Variants in ADGRB3 observed in about 807,000 individuals in gnomAD.
ADGRB3 encodes adhesion G protein-coupled receptor B3.
ADGRB3 carries 37 observed loss-of-function variants against 193.4 expected under a neutral mutation model. The ratio of observed to expected loss-of-function variants is 0.19; its 90% CI spans 0.15 to 0.25. ADGRB3 has a LOEUF of 0.25. Ranked by LOEUF, ADGRB3 falls within the 10% of genes least tolerant of loss-of-function variation. The probability of loss-of-function intolerance (pLI) is 1.00; values close to 1 mark genes in which losing one functional copy is unlikely to be tolerated. For synonymous variants in ADGRB3, 690 were observed against 644.2 expected, an observed-to-expected ratio of 1.07 and a Z score of -1.08; for missense variants, 1,637 against 1,852.9, an observed-to-expected ratio of 0.88 and a Z score of 2.14.
intron 20 of ADGRB3, among the ~76,000 whole-genome samples, chr6:69,288,967 A>C (rs867255087): frequency 6.6e-6 from 1 of 152,048 alleles, no homozygotes; most frequent in South Asian, 2.1e-4. Context: ...GTACACCCCC[A>C]ACCCTCCCCC....
At chr6:68,721,748 A>G (rs1282958040) in intron 3 of ADGRB3, among the ~76,000 whole-genome samples, 1 of 149,954 alleles carries the variant, frequency 6.7e-6, no homozygotes, top group Non-Finnish European at 1.5e-5. Context: ...GAGGAAAGGA[A>G]AGGAAAGCTC....
At chr6:68,793,854 A>C (rs1767155411) in intron 3 of ADGRB3, among the ~76,000 whole-genome samples, 2 of 152,140 alleles carry the variant, frequency 1.3e-5, no homozygotes, top group African/African-American at 4.8e-5. Flanking sequence ...TAATTGGATA[A>C]AATTATCACC....
intron 3 of ADGRB3, among the ~76,000 whole-genome samples, chr6:68,786,996 A>G (rs999296850): frequency 6.6e-6 from 1 of 152,170 alleles, no homozygotes; most frequent in Non-Finnish European, 1.5e-5. Flanking sequence ...ATTTTTGCAC[A>G]TTGATTTTGT....
chr6:68,824,569 T>C (rs963379535), intron 3 of ADGRB3, among the ~76,000 whole-genome samples: 1 of 148,282 alleles, frequency 6.7e-6, no homozygotes, highest in Non-Finnish European at 1.5e-5. Context: ...TAGCACAATA[T>C]GCAATATATG....
At chr6:69,359,781 G>T (rs1313142991) in intron 28 of ADGRB3, among the ~76,000 whole-genome samples, 1 of 151,848 alleles carries the variant, frequency 6.6e-6, no homozygotes, top group African/African-American at 2.4e-5. Flanking sequence ...TACTTCGTAG[G>T]TAGGTTAGCA....
intron 14 of ADGRB3, 79 bp downstream of exon 14, chr6:69,048,413 C>G (rs1771300131): frequency 7.3e-7 from 1 of 1,372,828 alleles, no homozygotes; most frequent in Admixed American, 2.1e-5. Context: ...TATAAATCTT[C>G]ATACATTAAA....
intron 17 of ADGRB3, among the ~76,000 whole-genome samples, chr6:69,086,171 A>G (rs1375803482): frequency 3.3e-5 from 5 of 152,286 alleles, no homozygotes; most frequent in Admixed American, 6.5e-5. Flanking sequence ...TTAAAAATAT[A>G]CATAAACATG....
At chr6:68,721,627 A>AATATAT (rs71852236) in intron 3 of ADGRB3, among the ~76,000 whole-genome samples, 2,194 of 140,112 alleles carry the variant, frequency 0.016, 31 homozygotes, top group African/African-American at 0.039. Flanking sequence ...AAGTATAATA[A>AATATAT]ATATATATAT....
chr6:69,256,244 T>G (rs964845186), intron 20 of ADGRB3, among the ~76,000 whole-genome samples: 11 of 151,902 alleles, frequency 7.2e-5, no homozygotes, highest in African/African-American at 1.2e-4. Context: ...GTGAAGAAAG[T>G]CATTGGTAGC....
chr6:68,754,859 GA>G (rs1044962409), intron 3 of ADGRB3, among the ~76,000 whole-genome samples: 4 of 152,108 alleles, frequency 2.6e-5, no homozygotes, highest in African/African-American at 7.2e-5. Flanking sequence ...GCTGTGGGAT[GA>G]AAAAGGAAGC....
intron 10 of ADGRB3, among the ~76,000 whole-genome samples, chr6:68,981,201 A>G (rs1487238197): frequency 2.0e-5 from 3 of 151,624 alleles, no homozygotes; most frequent in African/African-American, 7.2e-5. Flanking sequence ...GAAAAGTTAG[A>G]GTATTGCTCT....
chr6:68,933,686 G>A (rs1010911134), intron 4 of ADGRB3, among the ~76,000 whole-genome samples: 28 of 152,098 alleles, frequency 1.8e-4, no homozygotes, highest in African/African-American at 6.5e-4. Context: ...TTAATATTTT[G>A]TTCATAATTT....
intron 3 of ADGRB3, among the ~76,000 whole-genome samples, chr6:68,803,830 C>A (rs1767355310): frequency 6.6e-6 from 1 of 152,180 alleles, no homozygotes; most frequent in South Asian, 2.1e-4. Context: ...ACTTCCACTG[C>A]ACTACGGAAA....
At chr6:69,287,415 C>G (rs922631954) in intron 20 of ADGRB3, among the ~76,000 whole-genome samples, 2 of 151,934 alleles carry the variant, frequency 1.3e-5, no homozygotes, top group Non-Finnish European at 1.5e-5. Context: ...TGTTCAACAC[C>G]ATTTCTCATG....
intron 17 of ADGRB3, among the ~76,000 whole-genome samples, chr6:69,175,487 C>T (rs1031131223): frequency 6.6e-6 from 1 of 152,094 alleles, no homozygotes; most frequent in Non-Finnish European, 1.5e-5. Context: ...TATTTTGTTC[C>T]ATTGGTGTAT....
At chr6:68,815,871 A>G (rs1446992415) in intron 3 of ADGRB3, among the ~76,000 whole-genome samples, 1 of 152,000 alleles carries the variant, frequency 6.6e-6, no homozygotes, top group Non-Finnish European at 1.5e-5. Context: ...GGACATATGT[A>G]TTTTTGATTT....
intron 3 of ADGRB3, among the ~76,000 whole-genome samples, chr6:68,876,291 A>G (rs1765591853): frequency 6.6e-6 from 1 of 152,134 alleles, no homozygotes; most frequent in African/African-American, 2.4e-5. Context: ...GGATAGATGG[A>G]GCCTTCTTTC....
chr6:69,091,627 C>T (rs9354815), intron 17 of ADGRB3, among the ~76,000 whole-genome samples: 48,424 of 151,784 alleles, frequency 0.32, 9,415 homozygotes, highest in East Asian at 0.86. Flanking sequence ...CAACACATAC[C>T]GGGGTCTTTT....
chr6:68,817,053 T>A (rs993356747), intron 3 of ADGRB3, among the ~76,000 whole-genome samples: 1 of 151,756 alleles, frequency 6.6e-6, no homozygotes, highest in African/African-American at 2.4e-5. Context: ...CATGCCCTTC[T>A]TCCCTGCTAG....
Sources: allele counts gnomAD v4.1 joint callset (sites outside exome capture counted in the v4.1 genomes callset), GRCh38; gene constraint gnomAD v4.1.1; transcripts MANE v1.5; gene names NCBI Gene and HGNC (gene_info 2026-07-23, HGNC 2026-07-21).